Variants in NR2C1 observed in about 807,000 individuals in gnomAD.
NR2C1 encodes the protein nuclear receptor subfamily 2 group C member 1.
Under a neutral mutation model 74.8 loss-of-function variants are expected in NR2C1, and 33 were observed. The observed-to-expected ratio is 0.44, with a 90% CI of 0.33 to 0.59. The LOEUF is 0.59. Among genes scored for constraint, NR2C1 ranks in the 20% least tolerant of loss-of-function variants. The pLI is 0.02. For missense variants in NR2C1, 568 were observed against 715.6 expected (o/e 0.79, Z 2.35); for synonymous variants, 225 against 240.6 (o/e 0.94, Z 0.60).
rs1037444361 is a variant in NR2C1, at chr12:95,067,177, T to C, written c.54+154A>G. The C allele has an allele frequency of 7.2e-6, 5 of 694,480 alleles. No homozygotes were observed. The African/African-American group carries it at 9.0e-5, about 13-fold the overall frequency. The allele number at this position is 694,480 out of a possible 1,614,324, so 43.0% of individuals were successfully genotyped here. A position where few individuals can be genotyped will look rare whatever the true frequency, so the allele number is the denominator to read the frequency against. On this transcript the variant is annotated intron_variant, in intron 2 of 13. Transcript: ENST00000333003. ...AGAACTTACCACATTCTACTATGAA[T>C]TGTCTGATTATTCAACTATCTCTCA...
At chr12:95,072,179 C>G (rs1219257018) in intron 1 of NR2C1, among the ~76,000 whole-genome samples, 2 of 151,152 alleles carry the variant, frequency 1.3e-5, no homozygotes, top group African/African-American at 4.8e-5. Context: ...TTTGGGAGGC[C>G]GAGGCGGGTG....
chr12:95,072,864 G>A (rs1016543906), intron 1 of NR2C1: 1 of 152,266 alleles, frequency 6.6e-6, no homozygotes, highest in African/African-American at 2.4e-5. Flanking sequence ...AGTGGGGGGA[G>A]TCATTCTGTC....
At chr12:95,051,999 C>A in intron 7 of NR2C1, 56 bp from the exon 8 acceptor site, 1 of 1,153,156 alleles carries the variant, frequency 8.7e-7, no homozygotes, top group East Asian at 2.4e-5. Context: ...TTTTTTCAAT[C>A]TGAAATATCC....
intron 12 of NR2C1, 126 bp from the exon 13 acceptor site, chr12:95,025,381 G>A (rs1592718877): frequency 7.2e-6 from 4 of 557,124 alleles, no homozygotes; most frequent in African/African-American, 2.0e-5. Context: ...GGCTCAGGCC[G>A]GGCATGGTGG....
intron 12 of NR2C1, among the ~76,000 whole-genome samples, chr12:95,025,559 G>A (rs1180045883): frequency 1.3e-5 from 2 of 150,648 alleles, no homozygotes; most frequent in Non-Finnish European, 2.9e-5. Context: ...TCAGGAGACT[G>A]AGGCAGGAGA....
chr12:95,070,508 T>C (rs1318879190), intron 1 of NR2C1, among the ~76,000 whole-genome samples: 1 of 152,198 alleles, frequency 6.6e-6, no homozygotes, highest in Non-Finnish European at 1.5e-5. Flanking sequence ...TTTGCCAATG[T>C]ATACCAAGAG....
At chr12:95,058,535 G>A (rs142620547) in intron 4 of NR2C1, 46 bp from the exon 5 acceptor site, 6 of 1,492,358 alleles carry the variant, frequency 4.0e-6, no homozygotes, top group Non-Finnish European at 5.5e-6. Flanking sequence ...CATTATTTCA[G>A]AACAGAAATG....
intron 4 of NR2C1, 132 bp downstream of exon 4, chr12:95,059,774 C>G (rs916304957): frequency 7.9e-6 from 5 of 632,026 alleles, no homozygotes; most frequent in Non-Finnish European, 1.3e-5. Context: ...ACCATAAAAA[C>G]GACATACTCC....
At chr12:95,030,620 T>G (rs1430321059) in intron 11 of NR2C1, 1 of 1,613,038 alleles carries the variant, frequency 6.2e-7, no homozygotes, top group Non-Finnish European at 8.5e-7. Context: ...TTAAGGTGAT[T>G]ACCCCTCTGC....
intron 9 of NR2C1, among the ~76,000 whole-genome samples, chr12:95,041,026 T>G (rs1245040029): frequency 6.6e-6 from 1 of 152,062 alleles, no homozygotes; most frequent in Non-Finnish European, 1.5e-5. Flanking sequence ...GAGTAAGGAG[T>G]GCAACAGGCT....
At position 95,047,842 on chromosome 12, in the gene NR2C1, T is replaced by C. The variant is rs146814325; in HGVS notation, c.1131+1226A>G. 2.9e-4 allele frequency among the ~76,000 whole-genome samples: 44 copies of C among 152,344 alleles called. No individual in the cohort carries two copies. The East Asian group carries it at 7.7e-3, about 27-fold the overall frequency. ...GTCCAAGCATTATTTGAATGACAAA[T>C]AGTAGAAAGTGATTTTCTAGTCTTC... is the stretch of plus-strand genomic sequence containing the variant. On this transcript the variant is annotated intron_variant, in intron 9 of 13. Coordinates refer to ENST00000333003, the MANE Select transcript of NR2C1 (RefSeq NM_003297.4).
chr12:95,070,562 T>C (rs978545048), intron 1 of NR2C1, among the ~76,000 whole-genome samples: 6 of 152,152 alleles, frequency 3.9e-5, no homozygotes, highest in African/African-American at 1.4e-4. Context: ...TTTATTCAAT[T>C]TTCTTCCATT....
At chr12:95,026,027 G>A (rs985327254) in intron 12 of NR2C1, among the ~76,000 whole-genome samples, 13 of 151,832 alleles carry the variant, frequency 8.6e-5, no homozygotes, top group Admixed American at 8.5e-4. Context: ...CCAACATGGT[G>A]AAACCCCGTC....
At chr12:95,033,575 T>A (rs1287191933) in intron 10 of NR2C1, among the ~76,000 whole-genome samples, 1 of 152,200 alleles carries the variant, frequency 6.6e-6, no homozygotes, top group Non-Finnish European at 1.5e-5. Context: ...CTAAATGCTA[T>A]CCTATTGTCT....
intron 7 of NR2C1, among the ~76,000 whole-genome samples, chr12:95,054,026 G>A (rs568153403): frequency 2.0e-5 from 3 of 152,192 alleles, no homozygotes; most frequent in East Asian, 3.9e-4. Context: ...ATGTTCCCAT[G>A]ATGTTTCATT....
rs751786652 is a variant in NR2C1 at position 95,022,045 on chromosome 12, T to C, written c.*184A>G. 11 of 460,436 alleles carry C rather than the reference T, an allele frequency of 2.4e-5. No individual in the cohort carries two copies. The highest frequency in any genetic ancestry group is 1.0e-4 in the African/African-American group (5 of 49,052). 28.5% of individuals were successfully genotyped at this position (460,436 alleles called of 1,614,324 possible). On this transcript the variant is annotated 3_prime_UTR_variant, in exon 14 of 14. Coordinates refer to ENST00000333003, the MANE Select transcript of NR2C1 (RefSeq NM_003297.4). ...TAAAGGAATCAGGAAGAAAAATTCA[T>C]TTAATTTCTGCTGCCTGCCCAGTCA...
intron 10 of NR2C1, among the ~76,000 whole-genome samples, chr12:95,032,932 C>T (rs1309356529): frequency 2.6e-5 from 4 of 152,112 alleles, no homozygotes; most frequent in Non-Finnish European, 5.9e-5. Context: ...CACACCACTG[C>T]ACTCCAGCTT....
At chr12:95,036,494 C>T (rs375166714) in intron 10 of NR2C1, among the ~76,000 whole-genome samples, 2 of 151,412 alleles carry the variant, frequency 1.3e-5, no homozygotes, top group African/African-American at 4.9e-5. Context: ...CTAACTACTA[C>T]ACTATATTGT....
chr12:95,051,975 A>C, intron 7 of NR2C1, 32 bp from the exon 8 acceptor site: 1 of 1,419,852 alleles, frequency 7.0e-7, no homozygotes, highest in Non-Finnish European at 9.5e-7. Context: ...AATTCTGTGA[A>C]TTGGTATCAC....
Sources: allele counts gnomAD v4.1 joint callset (sites outside exome capture counted in the v4.1 genomes callset), GRCh38; gene constraint gnomAD v4.1.1; transcripts MANE v1.5; gene names NCBI Gene and HGNC (gene_info 2026-07-23, HGNC 2026-07-21).